Variants in IGSF9B observed in about 807,000 individuals in gnomAD.
IGSF9B encodes the protein protein turtle homolog B.
IGSF9B carries 48 observed loss-of-function variants against 143.7 expected under a neutral mutation model. That is an observed-to-expected ratio of 0.33 (90% confidence interval 0.26 to 0.42). The LOEUF (loss-of-function observed/expected upper bound fraction) is 0.42. Among genes scored for constraint, IGSF9B ranks in the 20% least tolerant of loss-of-function variants. IGSF9B has a pLI of 1.00. For missense variants in IGSF9B, 1,706 were observed against 1,980.0 expected, an observed-to-expected ratio of 0.86 and a Z score of 2.63; for synonymous variants, 903 against 833.1, an observed-to-expected ratio of 1.08 and a Z score of -1.44.
At chr11:133,915,901 G>A (rs1939371817) in intron 18 of IGSF9B, among the ~76,000 whole-genome samples, 1 of 152,194 alleles carries the variant, frequency 6.6e-6, no homozygotes, top group Non-Finnish European at 1.5e-5. Context: ...CATAGCAAGG[G>A]AAAGGGTGGG....
At chr11:133,940,323 C>T (rs1374665045) in intron 3 of IGSF9B, among the ~76,000 whole-genome samples, 1 of 141,152 alleles carries the variant, frequency 7.1e-6, no homozygotes, top group African/African-American at 2.7e-5. Flanking sequence ...CACGCAGAAA[C>T]ATACACCTCG....
chr11:133,940,814 A>G (rs756838973), intron 3 of IGSF9B, among the ~76,000 whole-genome samples: 1 of 152,256 alleles, frequency 6.6e-6, no homozygotes, highest in African/African-American at 2.4e-5. Flanking sequence ...GAAAAAATCA[A>G]TTCTTATCCA....
intron 1 of IGSF9B, among the ~76,000 whole-genome samples, chr11:133,952,759 A>C (rs1316630608): frequency 6.6e-6 from 1 of 151,506 alleles, no homozygotes; most frequent in South Asian, 2.1e-4. Flanking sequence ...GTACACATAT[A>C]GGAACATGTG....
chr11:133,902,508 CCACA>C lies in IGSF9B; in HGVS notation c.*6557_*6560del, dbSNP rs1221511418. 7.6e-6 allele frequency among the ~76,000 whole-genome samples: 1 copy of C among 131,816 alleles called. No homozygotes were observed. The highest frequency in any genetic ancestry group is 2.5e-4 in the East Asian group (1 of 4,026). The allele number at this position is 131,816 out of a possible 152,430, so 86.5% of individuals were successfully genotyped here. A position where few individuals can be genotyped will look rare whatever the true frequency, so the allele number is the denominator to read the frequency against. On this transcript the variant is annotated 3_prime_UTR_variant, in exon 20 of 20. Coordinates refer to ENST00000533871, the MANE Select transcript of IGSF9B (RefSeq NM_001277285.4). ...CACACACACACACCAGACATGCACA[CCACA>C]CACAGACATGCACACCACACACATA...
rs755352554 is a variant in IGSF9B at position 133,926,953 on chromosome 11, G to A, written c.1770C>T (p.Thr590=). ...CAGTGACCACCTCACTGAAGGCGCT[G>A]GTTCCCAGCTTGTTCTGGGCCAGGA... ...FSVLAQNKLG[T]SAFSEVVTVN... is the part of the protein sequence containing the mutation. Residue 590 remains threonine, a synonymous_variant, in exon 13 of 20, where the codon ACC becomes ACT. Coordinates refer to ENST00000533871, the MANE Select transcript of IGSF9B (RefSeq NM_001277285.4). 4.1e-5 allele frequency: 66 copies of A among 1,598,568 alleles called. No individual in the cohort carries two copies. Among genetic ancestry groups the A allele is most frequent in the Non-Finnish European group, 1.2e-5 (14 of 1,172,908 alleles).
chr11:133,910,521 C>T (rs1180006981), intron 19 of IGSF9B, among the ~76,000 whole-genome samples: 3 of 152,162 alleles, frequency 2.0e-5, no homozygotes, highest in Non-Finnish European at 4.4e-5. Context: ...GGCCTGACAC[C>T]CCAGTGGGTA....
chr11:133,931,948 C>G lies in IGSF9B; in HGVS notation c.1110+123G>C, dbSNP rs1939738884. ...CCCGCAGACCCCTACAGAAGCAGCT[C>G]TCTGTTTGCCCAGGGCTTTTGGAAG... is the stretch of plus-strand genomic sequence containing the variant. On this transcript the variant is annotated intron_variant, in intron 8 of 19. Coordinates refer to ENST00000533871, the MANE Select transcript of IGSF9B (RefSeq NM_001277285.4). The surrounding 1 kb of genome is among the most constrained non-coding windows in gnomAD (Gnocchi z 7.7). 25 of 1,486,960 alleles carry G rather than the reference C, an allele frequency of 1.7e-5. No individual in the cohort carries two copies. Among genetic ancestry groups the G allele is most frequent in the Non-Finnish European group, 2.3e-5 (25 of 1,106,004 alleles). The allele number at this position is 1,486,960 out of a possible 1,614,324, so 92.1% of individuals were successfully genotyped here. A position where few individuals can be genotyped will look rare whatever the true frequency, so the allele number is the denominator to read the frequency against.
chr11:133,949,986 G>A lies in IGSF9B; in HGVS notation c.65-3728C>T, dbSNP rs547465362. Among the ~76,000 whole-genome samples the A allele has an allele frequency of 3.3e-5, 5 of 152,326 alleles. No individual in the cohort carries two copies. In the East Asian group the frequency reaches 7.7e-4, roughly 24 times the overall value. On this transcript the variant is annotated intron_variant, in intron 1 of 19. Transcript: ENST00000533871. ...AGCTCCCTTTGGAGCAGTTATGGCGGGGAAGAGAAAGTAGGAGGGCAAGGA... is the reference window on the plus strand; with the variant it reads ...AGCTCCCTTTGGAGCAGTTATGGCGAGGAAGAGAAAGTAGGAGGGCAAGGA...
intron 6 of IGSF9B, 110 bp downstream of exon 6, chr11:133,935,943 C>A (rs1939814760): frequency 7.0e-7 from 1 of 1,433,062 alleles, no homozygotes; most frequent in Non-Finnish European, 9.4e-7. Flanking sequence ...TGCCCACCTC[C>A]CCCAGCTCCA....
rs903515128 is a variant in IGSF9B, at chr11:133,905,862, G to A, written c.*3207C>T. Among the ~76,000 whole-genome samples the A allele has an allele frequency of 1.3e-5, 2 of 152,322 alleles. No homozygotes were observed. Among genetic ancestry groups the A allele is most frequent in the East Asian group, 3.9e-4 (2 of 5,182 alleles). On this transcript the variant is annotated 3_prime_UTR_variant, in exon 20 of 20. Coordinates refer to ENST00000533871, the MANE Select transcript of IGSF9B (RefSeq NM_001277285.4). This position sits in a 1 kb window ranked among gnomAD's most constrained non-coding sequence, Gnocchi z 4.0. ...CCACGGCAGCCCACCAGCAAATCAAGACAGGCTTCGCCTCTCTGCCTCGTC... is the reference window on the plus strand; with the variant it reads ...CCACGGCAGCCCACCAGCAAATCAAAACAGGCTTCGCCTCTCTGCCTCGTC...
chr11:133,935,787 G>C, intron 6 of IGSF9B, 25 bp from the exon 7 acceptor site: 1 of 1,605,522 alleles, frequency 6.2e-7, no homozygotes, highest in Non-Finnish European at 8.5e-7. Context: ...GGGGACAGGG[G>C]GTTGGGCGAG....
Position 133,900,877 on chromosome 11 carries a change from GCTGT to G in IGSF9B, c.*8188_*8191del, listed in dbSNP as rs1449921100. On this transcript the variant is annotated 3_prime_UTR_variant, in exon 20 of 20. Transcript: ENST00000533871. ...GCCATGCCCTCTATGAGCGGTCTGA[GCTGT>G]CTGAGCTACAGTGCTACAAACCAAG... 5 of 152,262 alleles carry G rather than the reference GCTGT, an allele frequency of 3.3e-5. No individual in the cohort carries two copies. Among genetic ancestry groups the G allele is most frequent in the Admixed American group, 2.0e-4 (3 of 15,280 alleles). The allele number at this position is 152,262 out of a possible 1,614,324, so 9.4% of individuals were successfully genotyped here. A position where few individuals can be genotyped will look rare whatever the true frequency, so the allele number is the denominator to read the frequency against.
Position 133,926,794 on chromosome 11 carries a change from C to T in IGSF9B, c.1807+122G>A, listed in dbSNP as rs564371280. ...ATCCTCACGGGGAGATCAGATGGCA[C>T]GGCTCTGTGGAGCACTCAGCAAGGT... is the stretch of plus-strand genomic sequence containing the variant. On this transcript the variant is annotated intron_variant, in intron 13 of 19. Coordinates refer to ENST00000533871, the MANE Select transcript of IGSF9B (RefSeq NM_001277285.4). The T allele has an allele frequency of 1.4e-4, 103 of 759,136 alleles. 1 individual carries two copies. The South Asian group carries it at 1.6e-3, about 11-fold the overall frequency. The allele number at this position is 759,136 out of a possible 1,614,324, so 47.0% of individuals were successfully genotyped here.
rs1215028639 is a variant in IGSF9B at position 133,908,136 on chromosome 11, G to A, written c.*933C>T. 6.6e-6 allele frequency among the ~76,000 whole-genome samples: 1 copy of A among 152,206 alleles called. No homozygotes were observed. The highest frequency in any genetic ancestry group is 1.5e-5 in the Non-Finnish European group (1 of 68,050). On this transcript the variant is annotated 3_prime_UTR_variant, in exon 20 of 20. Coordinates refer to ENST00000533871, the MANE Select transcript of IGSF9B (RefSeq NM_001277285.4). ...AGCTCACGGCCTGGCTGGGCGGAAG[G>A]GCGCCGACGGATGCGCTGGACATGT...
intron 1 of IGSF9B, among the ~76,000 whole-genome samples, chr11:133,954,553 C>G (rs1189752851): frequency 6.6e-6 from 1 of 152,188 alleles, no homozygotes; most frequent in Admixed American, 6.5e-5. Flanking sequence ...TGAGCACGTA[C>G]TATATAACAG....
intron 3 of IGSF9B, among the ~76,000 whole-genome samples, chr11:133,942,909 C>T (rs1480954020): frequency 1.3e-5 from 2 of 152,122 alleles, no homozygotes; most frequent in African/African-American, 2.4e-5. Context: ...CAGGCTGGAC[C>T]CACACCAGCC....
In IGSF9B at chr11:133,928,088, G is replaced by A. The variant is rs1009939908; in HGVS notation, c.1632-997C>T. On this transcript the variant is annotated intron_variant, in intron 12 of 19. Coordinates refer to ENST00000533871, the MANE Select transcript of IGSF9B (RefSeq NM_001277285.4). This position sits in a 1 kb window ranked among gnomAD's most constrained non-coding sequence, Gnocchi z 4.7. The stretch of plus-strand genomic sequence containing the variant: ...AAAAGCAGTGCAGATGAGCAGCAGC[G>A]TGGAGCAGCAGCGTGAAGCAGCACC... 4.0e-5 allele frequency among the ~76,000 whole-genome samples: 6 copies of A among 151,258 alleles called. No homozygotes were observed. Among genetic ancestry groups the A allele is most frequent in the Non-Finnish European group, 5.9e-5 (4 of 68,026 alleles).
chr11:133,940,539 C>T (rs1352834552), intron 3 of IGSF9B, among the ~76,000 whole-genome samples: 1 of 147,352 alleles, frequency 6.8e-6, no homozygotes, highest in Admixed American at 6.8e-5. Context: ...AAACACACAC[C>T]TCGCATGTCC....
intron 19 of IGSF9B, 48 bp downstream of exon 19, chr11:133,911,838 G>A (rs749792053): frequency 1.1e-5 from 16 of 1,458,104 alleles, no homozygotes; most frequent in Middle Eastern, 1.8e-4. Context: ...TCCTGACAAC[G>A]GCAAGGCAAG....
Sources: allele counts gnomAD v4.1 joint callset (sites outside exome capture counted in the v4.1 genomes callset), GRCh38; gene constraint gnomAD v4.1.1; non-coding constraint Gnocchi (gnomAD v3.1); transcripts MANE v1.5; gene names NCBI Gene and HGNC (gene_info 2026-07-23, HGNC 2026-07-21).